Variants in DLG2 observed in about 807,000 individuals in gnomAD.
DLG2 encodes the protein disks large homolog 2.
DLG2 carries 45 observed loss-of-function variants against 132.5 expected under a neutral mutation model. The observed-to-expected ratio is 0.34, with a 90% CI of 0.27 to 0.44. DLG2 has a LOEUF of 0.44. Among genes scored for constraint, DLG2 ranks in the 20% least tolerant of loss-of-function variants. The probability of loss-of-function intolerance (pLI) is 1.00; values close to 1 mark genes in which losing one functional copy is unlikely to be tolerated. For synonymous variants in DLG2, 424 were observed against 419.6 expected (o/e 1.01, Z -0.13); for missense variants, 1,045 against 1,196.9 (o/e 0.87, Z 1.87).
At chr11:85,508,670 A>G (rs2093989779) in intron 3 of DLG2, among the ~76,000 whole-genome samples, 1 of 152,120 alleles carries the variant, frequency 6.6e-6, no homozygotes, top group Admixed American at 6.6e-5. Context: ...TAGTTATTAA[A>G]TGAATATTAA....
chr11:84,072,346 G>A (rs932618590), intron 10 of DLG2, among the ~76,000 whole-genome samples: 5 of 152,262 alleles, frequency 3.3e-5, no homozygotes, highest in East Asian at 1.9e-4. Flanking sequence ...TCCAGACCCG[G>A]GTTGTCTGTT....
chr11:84,923,378 A>G, intron 6 of DLG2: 1 of 1,120,360 alleles, frequency 8.9e-7, no homozygotes, highest in Non-Finnish European at 1.1e-6. Context: ...CTGAAAGTTA[A>G]GACCTCAGTT....
At chr11:85,220,974 A>G (rs368024834) in intron 4 of DLG2, among the ~76,000 whole-genome samples, 9 of 152,032 alleles carry the variant, frequency 5.9e-5, no homozygotes, top group African/African-American at 2.2e-4. Flanking sequence ...GGATACAGTT[A>G]GTTTCTCATT....
At chr11:84,540,458 G>A (rs1021262971) in intron 6 of DLG2, among the ~76,000 whole-genome samples, 2 of 152,010 alleles carry the variant, frequency 1.3e-5, no homozygotes, top group African/African-American at 2.4e-5. Flanking sequence ...ATCATCACTG[G>A]CCATCAGAGA....
At chr11:84,096,353 A>G (rs2097165130) in intron 10 of DLG2, among the ~76,000 whole-genome samples, 1 of 152,142 alleles carries the variant, frequency 6.6e-6, no homozygotes, top group Non-Finnish European at 1.5e-5. Context: ...TTTCATTATC[A>G]ATATTATCTT....
intron 6 of DLG2, among the ~76,000 whole-genome samples, chr11:84,739,880 A>G: frequency 6.6e-6 from 1 of 152,110 alleles, no homozygotes; most frequent in Admixed American, 6.6e-5. Context: ...CTGTGATCCC[A>G]AAGTTTAATT....
intron 6 of DLG2, among the ~76,000 whole-genome samples, chr11:84,718,699 T>C (rs1430955401): frequency 2.6e-5 from 4 of 152,184 alleles, no homozygotes; most frequent in Non-Finnish European, 2.9e-5. Flanking sequence ...ACAGTAGCCA[T>C]TGCAAGGATG....
chr11:83,995,448 G>A (rs992398022), intron 11 of DLG2, among the ~76,000 whole-genome samples: 1 of 152,060 alleles, frequency 6.6e-6, no homozygotes, highest in Non-Finnish European at 1.5e-5. Context: ...CCATGAAAAT[G>A]ACTTGATCAG....
intron 6 of DLG2, among the ~76,000 whole-genome samples, chr11:84,546,049 C>T (rs2099389178): frequency 6.6e-6 from 1 of 152,112 alleles, no homozygotes; most frequent in Admixed American, 6.6e-5. Flanking sequence ...ACCCACCATG[C>T]CTGGCTCTTA....
intron 6 of DLG2, among the ~76,000 whole-genome samples, chr11:84,888,222 A>C (rs1472438587): frequency 6.6e-6 from 1 of 152,088 alleles, no homozygotes; most frequent in Non-Finnish European, 1.5e-5. Flanking sequence ...TTTCGGAGTA[A>C]ATTAGCATTT....
At chr11:84,833,230 A>G (rs2079269118) in intron 6 of DLG2, among the ~76,000 whole-genome samples, 1 of 151,458 alleles carries the variant, frequency 6.6e-6, no homozygotes, top group Admixed American at 6.6e-5. Flanking sequence ...CACTTTCCCA[A>G]CAACCTGAAA....
At chr11:84,998,887 G>C (rs2057945602) in intron 6 of DLG2, among the ~76,000 whole-genome samples, 2 of 152,066 alleles carry the variant, frequency 1.3e-5, no homozygotes, top group African/African-American at 4.8e-5. Flanking sequence ...AAGTAGCCCT[G>C]CTTCGCCTTC....
intron 12 of DLG2, among the ~76,000 whole-genome samples, chr11:83,971,216 T>C (rs1020686581): frequency 4.6e-5 from 7 of 152,114 alleles, no homozygotes; most frequent in Admixed American, 3.9e-4. Flanking sequence ...GTGAATTTGA[T>C]TGAAGTGCTC....
At chr11:85,007,903 C>T (rs899036610) in intron 6 of DLG2, among the ~76,000 whole-genome samples, 1 of 151,982 alleles carries the variant, frequency 6.6e-6, no homozygotes, top group Non-Finnish European at 1.5e-5. Flanking sequence ...CCCTACCTTA[C>T]CTGAAATCCT....
intron 8 of DLG2, among the ~76,000 whole-genome samples, chr11:84,204,830 T>C (rs1189165574): frequency 6.6e-6 from 1 of 152,098 alleles, no homozygotes; most frequent in East Asian, 1.9e-4. Flanking sequence ...GCCTCCTAAG[T>C]AGCTGGGATT....
chr11:85,300,483 AAAG>A (rs777961894), intron 3 of DLG2, among the ~76,000 whole-genome samples: 1 of 152,154 alleles, frequency 6.6e-6, no homozygotes, highest in Non-Finnish European at 1.5e-5. Flanking sequence ...GTAAAATTAG[AAAG>A]AAGCAGGAAA....
chr11:84,724,065 A>T (rs957759631), intron 6 of DLG2, among the ~76,000 whole-genome samples: 17 of 152,082 alleles, frequency 1.1e-4, no homozygotes, highest in South Asian at 2.1e-4. Context: ...AGCAATTTTT[A>T]AAAAAGGGGT....
chr11:84,625,335 A>G (rs1019494076), intron 6 of DLG2, among the ~76,000 whole-genome samples: 3 of 152,188 alleles, frequency 2.0e-5, no homozygotes, highest in African/African-American at 7.2e-5. Context: ...ACTGGAAACC[A>G]TAATTGGGCT....
chr11:84,312,541 A>G lies in DLG2; in HGVS notation c.520-61250T>C, dbSNP rs372423070. Among the ~76,000 whole-genome samples the G allele has an allele frequency of 2.6e-5, 4 of 152,276 alleles. No individual in the cohort carries two copies. The South Asian group carries it at 6.2e-4, about 24-fold the overall frequency. ...AAATCTTAAAAGTTTAAAGAGATGC[A>G]GTATTTTTTTCCAAGTATTTCAATT... On this transcript the variant is annotated intron_variant, in intron 7 of 27. Coordinates refer to ENST00000376104, the MANE Select transcript of DLG2 (RefSeq NM_001142699.3).
Sources: gnomAD v4.1 joint callset for allele counts (sites outside exome capture counted in the v4.1 genomes callset) on GRCh38, gnomAD v4.1.1 for gene constraint, MANE v1.5 for transcripts, NCBI Gene and HGNC (gene_info 2026-07-23, HGNC 2026-07-21) for gene names.